The following USH2A variants were observed in gnomAD, a reference collection of about 807,000 sequenced individuals.
The protein encoded by USH2A is Usher syndrome 2A (autosomal recessive, mild).
Under a neutral mutation model 538.9 loss-of-function variants are expected in USH2A, and 443 were observed. The ratio of observed to expected loss-of-function variants is 0.82; its 90% CI spans 0.76 to 0.89. The LOEUF is 0.89. Ranked by LOEUF, USH2A falls within the 40% of genes least tolerant of loss-of-function variation. USH2A has a pLI of 0.00. For missense variants in USH2A, 6,633 were observed against 6,324.8 expected (o/e 1.05, Z -1.65); for synonymous variants, 2,413 against 2,273.5 (o/e 1.06, Z -1.75).
At chr1:216,418,008 C>T (rs1447985468) in intron 3 of USH2A, among the ~76,000 whole-genome samples, 1 of 152,004 alleles carries the variant, frequency 6.6e-6, no homozygotes, top group Non-Finnish European at 1.5e-5. Context: ...TGGTTGACAA[C>T]TAAAATAATA....
intron 61 of USH2A, among the ~76,000 whole-genome samples, chr1:215,689,938 C>T (rs531305873): frequency 2.0e-4 from 30 of 152,172 alleles, no homozygotes; most frequent in Non-Finnish European, 3.5e-4. Flanking sequence ...TGTTTTTAAG[C>T]TACTAAGTTT....
At position 215,867,176 on chromosome 1, in the gene USH2A, A is replaced by ATGT. The variant is rs1397628345; in HGVS notation, c.8682-9_8682-7dup. 1.9e-6 allele frequency: 3 copies of ATGT among 1,613,706 alleles called. No homozygotes were observed. In the South Asian group the frequency reaches 3.3e-5, roughly 18 times the overall value. On this transcript the variant is annotated splice_region_variant and splice_polypyrimidine_tract_variant and intron_variant, in intron 43 of 71. Transcript: ENST00000307340. ...TATATTCATAGGTTGTAAACCTAAA[A>ATGT]TGTTGTTTTGTTAAAAAAAGTATAT...
At chr1:216,395,224 A>G (rs2039190116) in intron 3 of USH2A, among the ~76,000 whole-genome samples, 1 of 152,198 alleles carries the variant, frequency 6.6e-6, no homozygotes, top group Non-Finnish European at 1.5e-5. Flanking sequence ...CTTTGAATCA[A>G]AATATTTAAC....
At chr1:216,007,686 C>T (rs1278333655) in intron 32 of USH2A, among the ~76,000 whole-genome samples, 1 of 152,196 alleles carries the variant, frequency 6.6e-6, no homozygotes, top group African/African-American at 2.4e-5. Context: ...ACTGAGGATA[C>T]CCACTGAATG....
At chr1:215,809,794 C>T (rs535737649) in intron 49 of USH2A, among the ~76,000 whole-genome samples, 4 of 152,192 alleles carry the variant, frequency 2.6e-5, no homozygotes, top group African/African-American at 7.2e-5. Context: ...AAATAAAGTA[C>T]GTATTTACCA....
chr1:215,756,939 CAAATAAAT>C lies in USH2A; in HGVS notation c.11389+1648_11389+1655del, dbSNP rs71159884. Among the ~76,000 whole-genome samples the C allele has an allele frequency of 2.4e-3, 351 of 145,072 alleles. 1 individual carries two copies. The highest frequency in any genetic ancestry group is 8.3e-3 in the African/African-American group (326 of 39,356). The stretch of plus-strand genomic sequence containing the variant: ...CAAAATAAACAAACAAACAAACAAA[CAAATAAAT>C]AAATAAATAAATAAATAAAATTAAA... On this transcript the variant is annotated intron_variant, in intron 58 of 71. Coordinates refer to ENST00000307340, the MANE Select transcript of USH2A (RefSeq NM_206933.4).
At chr1:216,279,707 T>G (rs923805197) in intron 11 of USH2A, among the ~76,000 whole-genome samples, 11 of 152,220 alleles carry the variant, frequency 7.2e-5, no homozygotes, top group African/African-American at 2.6e-4. Flanking sequence ...TGAACCCCCA[T>G]GGCTTCCTCA....
At chr1:215,902,470 C>T (rs12753230) in intron 38 of USH2A, among the ~76,000 whole-genome samples, 2,441 of 152,230 alleles carry the variant, frequency 0.016, 24 homozygotes, top group Non-Finnish European at 0.025. Flanking sequence ...AGAAGAACAG[C>T]ACTGAATAAA....
chr1:216,199,220 T>G (rs757235441), intron 17 of USH2A, among the ~76,000 whole-genome samples: 13 of 152,312 alleles, frequency 8.5e-5, no homozygotes, highest in South Asian at 8.3e-4. Context: ...AGTTAGCTTA[T>G]ATACATATTT....
At chr1:215,831,315 A>T (rs1322615424) in intron 47 of USH2A, among the ~76,000 whole-genome samples, 1 of 152,190 alleles carries the variant, frequency 6.6e-6, no homozygotes, top group Admixed American at 6.5e-5. Flanking sequence ...AGCAGGCAGA[A>T]AATCAGTAAG....
At chr1:216,385,103 G>A (rs536752051) in intron 3 of USH2A, among the ~76,000 whole-genome samples, 7 of 152,236 alleles carry the variant, frequency 4.6e-5, no homozygotes, top group Non-Finnish European at 8.8e-5. Flanking sequence ...AAAAATTGAT[G>A]CAAAAATTGA....
chr1:215,640,864 A>G (rs1324491429), intron 67 of USH2A, 130 bp from the exon 68 acceptor site: 4 of 979,072 alleles, frequency 4.1e-6, no homozygotes, highest in African/African-American at 3.8e-5. Context: ...AAAAAAAAAG[A>G]AAACCAACAT....
At position 215,998,352 on chromosome 1, in the gene USH2A, T is replaced by C. The variant is rs73094405; in HGVS notation, c.6657+535A>G. 2.5e-3 allele frequency among the ~76,000 whole-genome samples: 375 copies of C among 152,246 alleles called. 1 individual carries two copies. Among genetic ancestry groups the C allele is most frequent in the African/African-American group, 8.3e-3 (345 of 41,584 alleles). On this transcript the variant is annotated intron_variant, in intron 34 of 71. Coordinates refer to ENST00000307340, the MANE Select transcript of USH2A (RefSeq NM_206933.4). ...TTTGCATTTAAAAAATGCTATTGTTTGTCTAAGGGAACCTCTAAACTATGT... is the reference window on the plus strand; with the variant it reads ...TTTGCATTTAAAAAATGCTATTGTTCGTCTAAGGGAACCTCTAAACTATGT...
chr1:216,055,587 A>G (rs1358102995), intron 30 of USH2A, among the ~76,000 whole-genome samples: 2 of 152,240 alleles, frequency 1.3e-5, no homozygotes, highest in African/African-American at 4.8e-5. Context: ...ACATTTTGAC[A>G]CAGTGATCCC....
intron 21 of USH2A, among the ~76,000 whole-genome samples, chr1:216,118,381 A>G (rs1316421007): frequency 1.3e-5 from 2 of 152,144 alleles, no homozygotes; most frequent in African/African-American, 4.8e-5. Context: ...TGCAAAGTCC[A>G]AGAAAAAAGG....
intron 16 of USH2A, among the ~76,000 whole-genome samples, chr1:216,201,011 CCCTTCCTTCCTT>C (rs1246221491): frequency 1.7e-3 from 65 of 39,020 alleles, no homozygotes; most frequent in African/African-American, 4.4e-3. Context: ...CTCCCTCCCT[CCCTTCCTTCCTT>C]CCTTCCTTCC....
intron 35 of USH2A, among the ~76,000 whole-genome samples, chr1:215,983,611 C>G (rs991776058): frequency 6.7e-6 from 1 of 149,284 alleles, no homozygotes; most frequent in Non-Finnish European, 1.5e-5. Context: ...TCACGCACTA[C>G]CCCCCCATCA....
chr1:215,801,449 T>A (rs892839811), intron 49 of USH2A, among the ~76,000 whole-genome samples: 17 of 147,676 alleles, frequency 1.2e-4, no homozygotes, highest in African/African-American at 4.2e-4. Flanking sequence ...AGTATCAAGA[T>A]ACAAAGTCAG....
intron 14 of USH2A, among the ~76,000 whole-genome samples, chr1:216,218,771 C>T (rs925520805): frequency 6.6e-6 from 1 of 152,028 alleles, no homozygotes; most frequent in African/African-American, 2.4e-5. Flanking sequence ...TTTATCTATA[C>T]ACATTACATC....
Sources: gnomAD v4.1 joint callset for allele counts (sites outside exome capture counted in the v4.1 genomes callset) on GRCh38, gnomAD v4.1.1 for gene constraint, MANE v1.5 for transcripts, NCBI Gene and HGNC (gene_info 2026-07-23, HGNC 2026-07-21) for gene names.